The following PHACTR1 variants were observed in gnomAD, a reference collection of about 807,000 sequenced individuals.
PHACTR1 encodes the protein RPEL repeat containing 1.
Under a neutral mutation model 69.2 loss-of-function variants are expected in PHACTR1, and 16 were observed. That is an observed-to-expected ratio of 0.23 (90% CI 0.16 to 0.35). PHACTR1 has a LOEUF of 0.35. Ranked by LOEUF, PHACTR1 falls within the 10% of genes least tolerant of loss-of-function variation. The pLI, the probability that PHACTR1 is intolerant of heterozygous loss-of-function variation, is 1.00. For synonymous variants in PHACTR1, 312 were observed against 284.5 expected (o/e 1.10, Z -0.97); for missense variants, 510 against 734.7 (o/e 0.69, Z 3.54).
chr6:12,985,541 A>AAAAAAAAT (rs1179784179), intron 4 of PHACTR1, among the ~76,000 whole-genome samples: 2 of 132,768 alleles, frequency 1.5e-5, no homozygotes, highest in African/African-American at 5.8e-5. Context: ...AAAAAAAAAA[A>AAAAAAAAT]ATATATATAT....
chr6:13,109,979 T>C (rs1457402421), intron 5 of PHACTR1, among the ~76,000 whole-genome samples: 1 of 152,054 alleles, frequency 6.6e-6, no homozygotes, highest in Non-Finnish European at 1.5e-5. Context: ...TTAGATACAG[T>C]ATTTTTCAGT....
chr6:13,237,298 G>C (rs1361631237), intron 10 of PHACTR1, among the ~76,000 whole-genome samples: 1 of 152,084 alleles, frequency 6.6e-6, no homozygotes, highest in Non-Finnish European at 1.5e-5. Context: ...GATCCCTTGA[G>C]CCCAGGAGGT....
chr6:13,142,159 A>G (rs1456370498), intron 5 of PHACTR1, among the ~76,000 whole-genome samples: 1 of 152,202 alleles, frequency 6.6e-6, no homozygotes, highest in East Asian at 1.9e-4. Context: ...AAGAAGAAAA[A>G]AGAAGAAATA....
At chr6:13,273,711 A>G (rs1778242989) in intron 11 of PHACTR1, 1 of 152,250 alleles carries the variant, frequency 6.6e-6, no homozygotes, top group Non-Finnish European at 1.5e-5. Flanking sequence ...AAACCATTCT[A>G]TTCATTCATT....
chr6:13,057,871 A>G (rs1015388041), intron 5 of PHACTR1, among the ~76,000 whole-genome samples: 12 of 152,194 alleles, frequency 7.9e-5, no homozygotes, highest in African/African-American at 2.4e-4. Context: ...GGCCCTGAGC[A>G]TTAAGACCCA....
chr6:13,212,483 C>T (rs920503608), intron 8 of PHACTR1, among the ~76,000 whole-genome samples: 1 of 147,680 alleles, frequency 6.8e-6, no homozygotes, highest in Non-Finnish European at 1.5e-5. Flanking sequence ...TGCACACACC[C>T]CTTTTGCATA....
chr6:13,223,531 G>A (rs926072072), intron 8 of PHACTR1, among the ~76,000 whole-genome samples: 3 of 152,118 alleles, frequency 2.0e-5, no homozygotes, highest in South Asian at 2.1e-4. Context: ...TTTTACACAC[G>A]TTGTTGACAA....
chr6:12,851,392 C>T (rs553718312), intron 4 of PHACTR1, among the ~76,000 whole-genome samples: 8 of 152,144 alleles, frequency 5.3e-5, no homozygotes, highest in South Asian at 2.1e-4. Context: ...GTTTTGATGG[C>T]GTTAGAAAAT....
At chr6:12,793,210 G>T (rs940719651) in intron 4 of PHACTR1, among the ~76,000 whole-genome samples, 2 of 152,164 alleles carry the variant, frequency 1.3e-5, no homozygotes, top group African/African-American at 4.8e-5. Flanking sequence ...AGCAAATGTC[G>T]AGTGTTTCCC....
At chr6:12,975,574 A>G (rs779484303) in intron 4 of PHACTR1, among the ~76,000 whole-genome samples, 3 of 152,080 alleles carry the variant, frequency 2.0e-5, no homozygotes, top group Non-Finnish European at 2.9e-5. Flanking sequence ...TTCTTTATGT[A>G]TTTTGGGTCT....
chr6:13,108,551 G>A (rs1816525365), intron 5 of PHACTR1, among the ~76,000 whole-genome samples: 2 of 151,834 alleles, frequency 1.3e-5, no homozygotes, highest in African/African-American at 4.8e-5. Context: ...CTGTTGTTTA[G>A]GATTATTATA....
chr6:13,127,964 C>T (rs1055410992), intron 5 of PHACTR1, among the ~76,000 whole-genome samples: 6 of 151,666 alleles, frequency 4.0e-5, no homozygotes, highest in Admixed American at 6.6e-5. Context: ...ACAATCATGG[C>T]GGAAGGGGAA....
intron 5 of PHACTR1, among the ~76,000 whole-genome samples, chr6:13,113,325 T>C (rs1817327025): frequency 6.6e-6 from 1 of 152,150 alleles, no homozygotes. Flanking sequence ...AATCATTAGA[T>C]AGAATTCTTT....
At chr6:12,718,639 T>C (rs1453855105) in intron 2 of PHACTR1, 60 bp from the exon 3 acceptor site, 1 of 453,694 alleles carries the variant, frequency 2.2e-6, no homozygotes, top group African/African-American at 2.0e-5. Context: ...AAAGTACATC[T>C]ATATATACAC....
At chr6:12,725,866 T>C (rs1025800037) in intron 3 of PHACTR1, among the ~76,000 whole-genome samples, 2 of 152,158 alleles carry the variant, frequency 1.3e-5, no homozygotes, top group African/African-American at 4.8e-5. Flanking sequence ...ATCTACACTA[T>C]AAAAAGAATT....
chr6:12,916,172 C>T (rs1398726934), intron 4 of PHACTR1, among the ~76,000 whole-genome samples: 1 of 152,178 alleles, frequency 6.6e-6, no homozygotes, highest in Non-Finnish European at 1.5e-5. Context: ...ACCACCCTCC[C>T]TCTATGACTT....
intron 5 of PHACTR1, among the ~76,000 whole-genome samples, chr6:13,127,322 T>C (rs1044554507): frequency 4.6e-5 from 7 of 152,110 alleles, no homozygotes; most frequent in African/African-American, 1.7e-4. Flanking sequence ...ATCCCAACAC[T>C]TTGGGAGGCA....
chr6:12,864,419 G>A (rs1008399882), intron 4 of PHACTR1, among the ~76,000 whole-genome samples: 1 of 152,194 alleles, frequency 6.6e-6, no homozygotes, highest in Admixed American at 6.5e-5. Context: ...CCTGGCTCAC[G>A]CCTGTAATCC....
chr6:12,737,813 C>T (rs1359908174), intron 3 of PHACTR1, among the ~76,000 whole-genome samples: 3 of 152,084 alleles, frequency 2.0e-5, no homozygotes, highest in Non-Finnish European at 4.4e-5. Flanking sequence ...ACAGGCTGGT[C>T]TCAAACTCCT....
Sources: gnomAD v4.1 joint callset for allele counts (sites outside exome capture counted in the v4.1 genomes callset) on GRCh38, gnomAD v4.1.1 for gene constraint, MANE v1.5 for transcripts, NCBI Gene and HGNC (gene_info 2026-07-23, HGNC 2026-07-21) for gene names.